Variants in MRTFB observed in about 807,000 individuals in gnomAD.
MRTFB encodes myocardin-related transcription factor B.
MRTFB carries 29 observed loss-of-function variants against 104.2 expected under a neutral mutation model. That is an observed-to-expected ratio of 0.28 (90% confidence interval 0.21 to 0.38). MRTFB has a LOEUF of 0.38. Ranked by LOEUF, MRTFB falls within the 10% of genes least tolerant of loss-of-function variation. The probability of loss-of-function intolerance (pLI) is 1.00; values close to 1 mark genes in which losing one functional copy is unlikely to be tolerated. For synonymous variants in MRTFB, 535 were observed against 519.5 expected (o/e 1.03, Z -0.41); for missense variants, 1,270 against 1,341.6 (o/e 0.95, Z 0.83).
chr16:14,073,913 TCTTG>T (rs1412448149), intron 1 of MRTFB, among the ~76,000 whole-genome samples: 1 of 152,194 alleles, frequency 6.6e-6, no homozygotes, highest in Non-Finnish European at 1.5e-5. Context: ...ACTTTGCTAG[TCTTG>T]CTGCATAGGG....
chr16:14,094,940 A>G (rs537445412), intron 2 of MRTFB, among the ~76,000 whole-genome samples: 1 of 152,318 alleles, frequency 6.6e-6, no homozygotes, highest in Non-Finnish European at 1.5e-5. Context: ...CTTGTATGAT[A>G]AACACTGACA....
chr16:14,219,149 G>A (rs985644780), intron 8 of MRTFB, 151 bp downstream of exon 8: 2 of 723,094 alleles, frequency 2.8e-6, no homozygotes, highest in Non-Finnish European at 4.1e-6. Flanking sequence ...TGCCCTCCAG[G>A]AAGGTAATAA....
the MRTFB span, among the ~76,000 whole-genome samples, chr16:14,006,477 C>T: frequency 6.6e-6 from 1 of 151,782 alleles, no homozygotes; most frequent in Admixed American, 6.6e-5. Flanking sequence ...CACGCCACTG[C>T]ACTCCAGCCT....
rs779681965 is a variant in MRTFB at position 14,219,730 on chromosome 16, A to G, written c.693+732A>G. Reference sequence around the variant, plus strand: ...TGATTTGTTAGGAGCTATGTCTTTCAGCATTATTTTCTTCATTGCATTTAT... The same window carrying G: ...TGATTTGTTAGGAGCTATGTCTTTCGGCATTATTTTCTTCATTGCATTTAT... On this transcript the variant is annotated intron_variant, in intron 8 of 16. Transcript: ENST00000571589. Among the ~76,000 whole-genome samples, 30 of 152,200 alleles carry G rather than the reference A, an allele frequency of 2.0e-4. 1 individual carries two copies. Among genetic ancestry groups the G allele is most frequent in the Non-Finnish European group, 2.8e-4 (19 of 68,044 alleles).
chr16:14,028,029 TAGTC>T, the MRTFB span, among the ~76,000 whole-genome samples: 1 of 151,956 alleles, frequency 6.6e-6, no homozygotes, highest in Non-Finnish European at 1.5e-5. Context: ...ATACAAAAAT[TAGTC>T]AGGCATGGTG....
At chr16:14,018,390 T>C in the MRTFB span, among the ~76,000 whole-genome samples, 1 of 152,226 alleles carries the variant, frequency 6.6e-6, no homozygotes, top group Non-Finnish European at 1.5e-5. Context: ...ATATATTAAA[T>C]ACACACGTGT....
At chr16:14,249,209 T>C (rs2043153188) in intron 13 of MRTFB, 128 bp downstream of exon 13, 2 of 1,130,786 alleles carry the variant, frequency 1.8e-6, no homozygotes, top group African/African-American at 3.2e-5. Flanking sequence ...CCATCTCCCA[T>C]AGAATGAGCC....
chr16:14,225,440 G>A (rs551779233), intron 8 of MRTFB, among the ~76,000 whole-genome samples: 4 of 152,140 alleles, frequency 2.6e-5, no homozygotes, highest in East Asian at 3.9e-4. Flanking sequence ...ATAGAATGTC[G>A]TAATTCTAAG....
In MRTFB at chr16:14,264,195, T is replaced by C. The variant is rs1009940686; in HGVS notation, c.*2751T>C. 1 of 152,202 alleles carries C rather than the reference T, an allele frequency of 6.6e-6. No homozygotes were observed. Among genetic ancestry groups the C allele is most frequent in the African/African-American group, 2.4e-5 (1 of 41,448 alleles). 9.4% of individuals were successfully genotyped at this position (152,202 alleles called of 1,614,324 possible). On this transcript the variant is annotated 3_prime_UTR_variant, in exon 17 of 17. Transcript: ENST00000571589. ...AGCAGTGGTACTGTTGTATATCATA[T>C]TGTAAAGTATCATACTGCCAAGAAA...
the MRTFB span, among the ~76,000 whole-genome samples, chr16:14,011,594 A>T: frequency 6.6e-6 from 1 of 152,190 alleles, no homozygotes; most frequent in Non-Finnish European, 1.5e-5. Flanking sequence ...TTTTAAAATA[A>T]AATTATTATT....
chr16:14,259,467 G>A (rs2043668579), intron 16 of MRTFB, among the ~76,000 whole-genome samples: 1 of 150,812 alleles, frequency 6.6e-6, no homozygotes, highest in South Asian at 2.1e-4. Context: ...ATAGTTACAA[G>A]ACTAGTTACT....
At chr16:14,180,059 C>G (rs1467108360) in intron 3 of MRTFB, among the ~76,000 whole-genome samples, 1 of 152,294 alleles carries the variant, frequency 6.6e-6, no homozygotes. Flanking sequence ...AAATATTTCT[C>G]TTAACCACAG....
chr16:14,184,482 A>C (rs2039877110), intron 3 of MRTFB, among the ~76,000 whole-genome samples: 1 of 152,184 alleles, frequency 6.6e-6, no homozygotes, highest in South Asian at 2.1e-4. Flanking sequence ...TCGGCCTACC[A>C]AAGTGCTGGG....
chr16:14,033,679 AATACAAAATTAGCCAGGC>A, the MRTFB span, among the ~76,000 whole-genome samples: 1 of 151,876 alleles, frequency 6.6e-6, no homozygotes, highest in Admixed American at 6.6e-5. Context: ...CTCTACTAAA[AATACAAAATTAGCCAGGC>A]ATGGTGGCAC....
chr16:14,216,609 T>G (rs2041437929), intron 6 of MRTFB, among the ~76,000 whole-genome samples: 1 of 152,180 alleles, frequency 6.6e-6, no homozygotes, highest in African/African-American at 2.4e-5. Context: ...ACCCAAATTC[T>G]TAATTATGAT....
At chr16:14,239,740 T>G (rs1317094592) in intron 9 of MRTFB, among the ~76,000 whole-genome samples, 1 of 152,222 alleles carries the variant, frequency 6.6e-6, no homozygotes, top group Admixed American at 6.5e-5. Flanking sequence ...TTCATATCAT[T>G]CAGTATTTGT....
chr16:14,108,480 A>C (rs1477799123), intron 2 of MRTFB, among the ~76,000 whole-genome samples: 1 of 152,330 alleles, frequency 6.6e-6, no homozygotes, highest in Non-Finnish European at 1.5e-5. Flanking sequence ...TTTAGAGCCA[A>C]TGGACAACAT....
intron 3 of MRTFB, chr16:14,200,040 C>G (rs1327417605): frequency 3.5e-5 from 16 of 458,268 alleles, no homozygotes; most frequent in Non-Finnish European, 5.8e-5. Context: ...AAGGTACTAT[C>G]TTACCTTGTA....
At chr16:14,129,221 C>CA (rs2037316328) in intron 2 of MRTFB, among the ~76,000 whole-genome samples, 1 of 152,176 alleles carries the variant, frequency 6.6e-6, no homozygotes, top group Non-Finnish European at 1.5e-5. Context: ...GGAACATTTG[C>CA]ACACAGATAC....
Sources: gnomAD v4.1 joint callset for allele counts (sites outside exome capture counted in the v4.1 genomes callset) on GRCh38, gnomAD v4.1.1 for gene constraint, MANE v1.5 for transcripts, NCBI Gene and HGNC (gene_info 2026-07-23, HGNC 2026-07-21) for gene names.